The following ABL1 variants were observed in gnomAD, a reference collection of about 807,000 sequenced individuals.
The protein encoded by ABL1 is tyrosine-protein kinase ABL1.
A neutral mutation model predicts 94.7 loss-of-function variants in ABL1; 11 were observed. That is an observed-to-expected ratio of 0.12 (90% CI 0.07 to 0.19). ABL1 has a LOEUF of 0.19. ABL1 is among the 10% of genes least tolerant of loss of function. The pLI is 1.00. For synonymous variants in ABL1, 656 were observed against 622.4 expected (o/e 1.05, Z -0.80); for missense variants, 1,082 against 1,489.4 (o/e 0.73, Z 4.50).
intron 7 of ABL1, among the ~76,000 whole-genome samples, chr9:130,876,481 G>A (rs1049799098): frequency 1.1e-4 from 17 of 149,072 alleles, no homozygotes; most frequent in Middle Eastern, 3.5e-3. Context: ...TCAGTAGCAT[G>A]ATCTCGGCTC....
chr9:130,864,940 C>T (rs994006587), intron 4 of ABL1, among the ~76,000 whole-genome samples: 1 of 152,218 alleles, frequency 6.6e-6, no homozygotes, highest in Non-Finnish European at 1.5e-5. Flanking sequence ...TGTCTGAAAA[C>T]TTCCAAGATC....
chr9:130,831,733 C>G (rs1458227947), upstream of ABL1, among the ~76,000 whole-genome samples: 1 of 152,018 alleles, frequency 6.6e-6, no homozygotes, highest in Non-Finnish European at 1.5e-5. Flanking sequence ...CTCAGCCTCT[C>G]GAGTAGCTGG....
At chr9:130,767,273 C>T (rs1832195606) in intron 1 of ABL1, among the ~76,000 whole-genome samples, 1 of 152,234 alleles carries the variant, frequency 6.6e-6, no homozygotes, top group South Asian at 2.1e-4. Context: ...CCAGGAGTCC[C>T]TTTGCGATCC....
At chr9:130,797,657 C>T (rs772356498) in intron 1 of ABL1, among the ~76,000 whole-genome samples, 2 of 152,158 alleles carry the variant, frequency 1.3e-5, no homozygotes, top group Non-Finnish European at 2.9e-5. Context: ...TTACAAGTCA[C>T]CACGCCTGGC....
chr9:130,833,824 C>T (rs1588257924), upstream of ABL1, among the ~76,000 whole-genome samples: 1 of 152,152 alleles, frequency 6.6e-6, no homozygotes, highest in East Asian at 1.9e-4. Flanking sequence ...CTTAGCCATT[C>T]CTGAGGTACT....
At chr9:130,801,281 G>A (rs1830051479) in intron 1 of ABL1, among the ~76,000 whole-genome samples, 1 of 151,942 alleles carries the variant, frequency 6.6e-6, no homozygotes, top group Non-Finnish European at 1.5e-5. Flanking sequence ...GCAGGCTGGA[G>A]TGCAGTGGCA....
chr9:130,784,513 T>C (rs1269883552), intron 1 of ABL1, among the ~76,000 whole-genome samples: 1 of 152,238 alleles, frequency 6.6e-6, no homozygotes, highest in Non-Finnish European at 1.5e-5. Flanking sequence ...TTCTGGATTT[T>C]TTCATATATC....
At chr9:130,769,701 C>T (rs1832229513) in intron 1 of ABL1, among the ~76,000 whole-genome samples, 2 of 152,040 alleles carry the variant, frequency 1.3e-5, no homozygotes, top group East Asian at 3.9e-4. Context: ...GTATAATTTA[C>T]ATATCATAAT....
At position 130,874,659 on chromosome 9, in the gene ABL1, C is replaced by T. The variant is rs1266916443; in HGVS notation, c.1086-209C>T. ...GTCATGAGGCCAGGGAGCCCGCTCC[C>T]AGCACCAGCCTCTCCCCATGTTGGG... On this transcript the variant is annotated intron_variant, in intron 6 of 10. Transcript: ENST00000318560. 2.6e-5 allele frequency among the ~76,000 whole-genome samples: 4 copies of T among 152,228 alleles called. 1 individual carries two copies. The highest frequency in any genetic ancestry group is 1.3e-4 in the Admixed American group (2 of 15,288).
chr9:130,869,907 C>T (rs962649408), intron 4 of ABL1, among the ~76,000 whole-genome samples: 36 of 152,334 alleles, frequency 2.4e-4, no homozygotes, highest in African/African-American at 8.7e-4. Flanking sequence ...TCACTGCAAC[C>T]TCCTGCTCCC....
intron 1 of ABL1, among the ~76,000 whole-genome samples, chr9:130,760,753 C>T (rs1344078557): frequency 1.3e-5 from 2 of 151,356 alleles, no homozygotes; most frequent in East Asian, 3.9e-4. Flanking sequence ...ACCTCCACCT[C>T]CCAGGTTCAA....
intron 1 of ABL1, among the ~76,000 whole-genome samples, chr9:130,773,828 T>C (rs184383641): frequency 2.2e-4 from 34 of 152,122 alleles, no homozygotes; most frequent in African/African-American, 7.5e-4. Context: ...AAACTGCACA[T>C]ATATAAAGTA....
At chr9:130,867,717 G>A (rs757834943) in intron 4 of ABL1, among the ~76,000 whole-genome samples, 1 of 152,228 alleles carries the variant, frequency 6.6e-6, no homozygotes, top group Non-Finnish European at 1.5e-5. Flanking sequence ...TGTACGCAGT[G>A]GCTCTCTGGC....
At chr9:130,728,369 GTT>G (rs55957334) in intron 1 of ABL1, among the ~76,000 whole-genome samples, 4 of 135,808 alleles carry the variant, frequency 2.9e-5, no homozygotes, top group Non-Finnish European at 3.1e-5. Flanking sequence ...TACCTGGCTG[GTT>G]TTTTTTTTTT....
intron 1 of ABL1, among the ~76,000 whole-genome samples, chr9:130,821,461 T>A (rs2132877360): frequency 6.6e-6 from 1 of 152,346 alleles, no homozygotes; most frequent in African/African-American, 2.4e-5. Context: ...CACGTCTCAG[T>A]ACTTTGTTCC....
intron 1 of ABL1, among the ~76,000 whole-genome samples, chr9:130,767,646 G>T (rs1832201283): frequency 6.6e-6 from 1 of 152,164 alleles, no homozygotes; most frequent in Non-Finnish European, 1.5e-5. Flanking sequence ...CCTCATATTT[G>T]AATACCGAGT....
At chr9:130,825,526 C>T (rs1830414381) in intron 1 of ABL1, among the ~76,000 whole-genome samples, 1 of 152,210 alleles carries the variant, frequency 6.6e-6, no homozygotes, top group Non-Finnish European at 1.5e-5. Context: ...CATCATAAAT[C>T]TTATCACACA....
intron 1 of ABL1, among the ~76,000 whole-genome samples, chr9:130,770,808 G>T (rs753603679): frequency 2.0e-5 from 3 of 152,094 alleles, no homozygotes; most frequent in Non-Finnish European, 4.4e-5. Flanking sequence ...ATATAAATAG[G>T]CAGGAGACCA....
intron 1 of ABL1, among the ~76,000 whole-genome samples, chr9:130,748,891 T>G (rs1206438596): frequency 1.3e-5 from 2 of 152,218 alleles, no homozygotes; most frequent in African/African-American, 4.8e-5. Flanking sequence ...TATAAGCTTT[T>G]AATGAATAAT....
Sources: allele counts gnomAD v4.1 joint callset (sites outside exome capture counted in the v4.1 genomes callset), GRCh38; gene constraint gnomAD v4.1.1; transcripts MANE v1.5; gene names NCBI Gene and HGNC (gene_info 2026-07-23, HGNC 2026-07-21).